Variants in CAMK2A observed in about 807,000 individuals in gnomAD.
CAMK2A encodes the protein calcium/calmodulin-dependent protein kinase type II subunit alpha.
CAMK2A carries 7 observed loss-of-function variants against 79.2 expected under a neutral mutation model. That is an observed-to-expected ratio of 0.09 (90% confidence interval 0.05 to 0.17). The LOEUF (loss-of-function observed/expected upper bound fraction) is 0.17. Ranked by LOEUF, CAMK2A falls within the 10% of genes least tolerant of loss-of-function variation. CAMK2A has a pLI of 1.00. For synonymous variants in CAMK2A, 242 were observed against 251.7 expected, an observed-to-expected ratio of 0.96 and a Z score of 0.36; for missense variants, 214 against 646.4, an observed-to-expected ratio of 0.33 and a Z score of 7.25.
rs1357771180 is a variant in CAMK2A at position 150,257,552 on chromosome 5, G to C, written c.272+11C>G. On this transcript the variant is annotated intron_variant, in intron 4 of 18. Coordinates refer to ENST00000671881, the MANE Select transcript of CAMK2A (RefSeq NM_015981.4). Reference sequence around the variant, plus strand: ...CACCGTTGGCGCATCCCAGGGCGGGGCCAAACTCACAGGTCGAAGATCAGG... The same window carrying C: ...CACCGTTGGCGCATCCCAGGGCGGGCCCAAACTCACAGGTCGAAGATCAGG... 6.4e-7 allele frequency: 1 copy of C among 1,563,048 alleles called. No individual in the cohort carries two copies. The highest frequency in any genetic ancestry group is 1.9e-5 in the Admixed American group (1 of 52,940).
Position 150,222,378 on chromosome 5 carries a change from G to T in CAMK2A, c.*332C>A. On this transcript the variant is annotated 3_prime_UTR_variant, in exon 19 of 19. Transcript: ENST00000671881. Reference sequence around the variant, plus strand: ...CAGCCCCTGGTGGGCACCAGCCCGGGCATTCTAGCCTACAGCCCAAGACAG... The same window carrying T: ...CAGCCCCTGGTGGGCACCAGCCCGGTCATTCTAGCCTACAGCCCAAGACAG... 1.6e-6 allele frequency: 1 copy of T among 636,324 alleles called. No individual in the cohort carries two copies. Among genetic ancestry groups the T allele is most frequent in the Admixed American group, 2.3e-5 (1 of 43,818 alleles). The allele number at this position is 636,324 out of a possible 1,614,324, so 39.4% of individuals were successfully genotyped here.
intron 13 of CAMK2A, among the ~76,000 whole-genome samples, chr5:150,240,516 T>C (rs1755290107): frequency 6.6e-6 from 1 of 152,204 alleles, no homozygotes; most frequent in African/African-American, 2.4e-5. Context: ...CACTAGCATT[T>C]TGGGGATTTG....
At chr5:150,260,921 A>C (rs1756280960) in intron 3 of CAMK2A, among the ~76,000 whole-genome samples, 2 of 151,954 alleles carry the variant, frequency 1.3e-5, no homozygotes, top group South Asian at 4.2e-4. Flanking sequence ...ATCATCTCTA[A>C]CCTCCCTTTC....
intron 16 of CAMK2A, 21 bp from the exon 17 acceptor site, chr5:150,228,307 G>A (rs1265482836): frequency 1.3e-6 from 2 of 1,593,376 alleles, no homozygotes; most frequent in South Asian, 1.1e-5. Flanking sequence ...GAAGCCAGAG[G>A]GAAGAGGGAC....
chr5:150,276,650 G>C lies in CAMK2A; in HGVS notation c.63-3491C>G, dbSNP rs35445921. Among the ~76,000 whole-genome samples, 648 of 152,282 alleles carry C rather than the reference G, an allele frequency of 4.3e-3. 7 individuals carry two copies. The highest frequency in any genetic ancestry group is 0.015 in the African/African-American group (617 of 41,546). On this transcript the variant is annotated intron_variant, in intron 1 of 18. Transcript: ENST00000671881. ...AGTGGCCACATCTGGGCAAGGTTCT[G>C]AGAACTCCAGGAAGAGAAGGGCAGG... is the stretch of plus-strand genomic sequence containing the variant.
chr5:150,268,059 G>A (rs893744427), intron 2 of CAMK2A, among the ~76,000 whole-genome samples: 4 of 151,966 alleles, frequency 2.6e-5, no homozygotes, highest in African/African-American at 9.7e-5. Flanking sequence ...ATTTTTAGTA[G>A]AGACGGGGTT....
In CAMK2A at chr5:150,250,733, G is replaced by A; in HGVS notation, c.771C>T (p.Ser257=). Residue 257 remains serine, a synonymous_variant, in exon 10 of 19, where the codon TCC becomes TCT. Coordinates refer to ENST00000671881, the MANE Select transcript of CAMK2A (RefSeq NM_015981.4). ...GGGCTTCGGCAGCTGTGATGCGTTT[G>A]GATGGGTTAATGGTCAGCATCTTAT... The part of the protein sequence containing the change: ...LINKMLTINP[S]KRITAAEALK... 6.2e-7 allele frequency: 1 copy of A among 1,614,140 alleles called. No individual in the cohort carries two copies. The highest frequency in any genetic ancestry group is 8.5e-7 in the Non-Finnish European group (1 of 1,179,998).
At position 150,289,681 on chromosome 5, in the gene CAMK2A, T is replaced by C. The variant is rs1276544587; in HGVS notation, c.-56A>G. 4.9e-6 allele frequency: 7 copies of C among 1,423,648 alleles called. No homozygotes were observed. Among genetic ancestry groups the C allele is most frequent in the Non-Finnish European group, 6.9e-6 (7 of 1,013,110 alleles). The allele number at this position is 1,423,648 out of a possible 1,614,324, so 88.2% of individuals were successfully genotyped here. The stretch of plus-strand genomic sequence containing the variant: ...GACTGGGGGACCAGGACTGAGGCGC[T>C]GCTGCTCTGCTCCCGAACCTAGGGA... On this transcript the variant is annotated 5_prime_UTR_variant, in exon 1 of 19. Transcript: ENST00000671881.
Position 150,247,759 on chromosome 5 carries a change from T to A in CAMK2A, c.943+13A>T. 2 of 1,607,668 alleles carry A rather than the reference T, an allele frequency of 1.2e-6. No homozygotes were observed. The highest frequency in any genetic ancestry group is 1.7e-6 in the Non-Finnish European group (2 of 1,177,374). On this transcript the variant is annotated intron_variant, in intron 12 of 18. Transcript: ENST00000671881. ...GCAGGGCTTACTGGGGACCCTGAGGTCCTGCCACCTACCGGAGAAGTTCCT... is the reference window on the plus strand; with the variant it reads ...GCAGGGCTTACTGGGGACCCTGAGGACCTGCCACCTACCGGAGAAGTTCCT...
chr5:150,277,850 G>C (rs903392436), intron 1 of CAMK2A, among the ~76,000 whole-genome samples: 1 of 152,194 alleles, frequency 6.6e-6, no homozygotes, highest in Non-Finnish European at 1.5e-5. Flanking sequence ...GCAATCCTGT[G>C]AAGTTGGAAT....
chr5:150,239,637 G>T, intron 14 of CAMK2A, 67 bp downstream of exon 14: 1 of 1,473,186 alleles, frequency 6.8e-7, no homozygotes, highest in Non-Finnish European at 9.5e-7. Context: ...GCAGCCTGCA[G>T]GAGGGAGGCA....
chr5:150,232,191 A>G (rs1754871239), intron 15 of CAMK2A, among the ~76,000 whole-genome samples: 1 of 152,252 alleles, frequency 6.6e-6, no homozygotes, highest in Admixed American at 6.5e-5. Context: ...ACAGATGTTT[A>G]TTTAAATGAC....
chr5:150,221,217 A>C lies in CAMK2A; in HGVS notation c.*1493T>G. The C allele has an allele frequency of 2.6e-6, 1 of 392,060 alleles. No homozygotes were observed. Among genetic ancestry groups the C allele is most frequent in the South Asian group, 1.4e-4 (1 of 6,952 alleles). The allele number at this position is 392,060 out of a possible 1,614,324, so 24.3% of individuals were successfully genotyped here. A position where few individuals can be genotyped will look rare whatever the true frequency, so the allele number is the denominator to read the frequency against. ...ATACTTACTGCGTATAAAGTCATGC[A>C]AAGAAAACAGTGCAGACAGTAGATC... On this transcript the variant is annotated 3_prime_UTR_variant, in exon 19 of 19. Coordinates refer to ENST00000671881, the MANE Select transcript of CAMK2A (RefSeq NM_015981.4).
chr5:150,238,825 T>C, intron 14 of CAMK2A, 77 bp from the exon 15 acceptor site: 1 of 1,285,680 alleles, frequency 7.8e-7, no homozygotes, highest in Non-Finnish European at 1.1e-6. Context: ...GGCTGCCTGG[T>C]GACGCGGCTG....
intron 3 of CAMK2A, among the ~76,000 whole-genome samples, chr5:150,262,645 A>AATGATG (rs1473627183): frequency 6.6e-6 from 1 of 152,128 alleles, no homozygotes; most frequent in Non-Finnish European, 1.5e-5. Flanking sequence ...TAAATGACTC[A>AATGATG]ATGATGATGA....
chr5:150,254,819 T>TAATCTGTG (rs1755986159), intron 6 of CAMK2A, among the ~76,000 whole-genome samples: 1 of 152,204 alleles, frequency 6.6e-6, no homozygotes, highest in Non-Finnish European at 1.5e-5. Flanking sequence ...TTAACTGAGA[T>TAATCTGTG]AATCTGTGTA....
rs201742909 is a variant in CAMK2A, at chr5:150,273,059, A to T, written c.157+6T>A. On this transcript the variant is annotated splice_donor_region_variant and intron_variant, in intron 2 of 18. Coordinates refer to ENST00000671881, the MANE Select transcript of CAMK2A (RefSeq NM_015981.4). ...AGGGTGGGCAGGGTAGAAATCAGGC[A>T]CCTACCTCTGGCTGACAGCTTCTTT... is the stretch of plus-strand genomic sequence containing the variant. The T allele has an allele frequency of 3.7e-6, 6 of 1,611,658 alleles. No homozygotes were observed. Among genetic ancestry groups the T allele is most frequent in the African/African-American group, 2.7e-5 (2 of 74,800 alleles).
In CAMK2A at chr5:150,221,751, A is replaced by C. The variant is rs1323807257; in HGVS notation, c.*959T>G. 4.1e-5 allele frequency: 6 copies of C among 145,976 alleles called. No individual in the cohort carries two copies. Among genetic ancestry groups the C allele is most frequent in the Non-Finnish European group, 7.1e-5 (6 of 84,824 alleles). 9.0% of individuals were successfully genotyped at this position (145,976 alleles called of 1,614,324 possible). A position where few individuals can be genotyped will look rare whatever the true frequency, so the allele number is the denominator to read the frequency against. On this transcript the variant is annotated 3_prime_UTR_variant, in exon 19 of 19. Coordinates refer to ENST00000671881, the MANE Select transcript of CAMK2A (RefSeq NM_015981.4). ...GACAAGGTCCACCTCAGAGATGACA[A>C]AAAAAAAAAAAAAAACTAGAACAGA... is the stretch of plus-strand genomic sequence containing the variant.
chr5:150,233,615 C>T (rs1754938253), intron 15 of CAMK2A, among the ~76,000 whole-genome samples: 1 of 152,098 alleles, frequency 6.6e-6, no homozygotes, highest in Admixed American at 6.5e-5. Flanking sequence ...TGGGACCAAA[C>T]CAGAGTCTGG....
Sources: gnomAD v4.1 joint callset for allele counts (sites outside exome capture counted in the v4.1 genomes callset) on GRCh38, gnomAD v4.1.1 for gene constraint, MANE v1.5 for transcripts, NCBI Gene and HGNC (gene_info 2026-07-23, HGNC 2026-07-21) for gene names.